SRCIN1: variants seen among roughly 807,000 people sequenced by gnomAD.
The protein encoded by SRCIN1 is SRC kinase signaling inhibitor 1.
In SRCIN1, 50 loss-of-function variants were observed where a neutral mutation model predicts 116.2. The observed-to-expected ratio is 0.43, with a 90% confidence interval of 0.34 to 0.54. The LOEUF (loss-of-function observed/expected upper bound fraction) is 0.54, where lower values mean the gene tolerates loss of function less well. Among genes scored for constraint, SRCIN1 ranks in the 20% least tolerant of loss-of-function variants. The probability of loss-of-function intolerance (pLI) is 0.02; values close to 1 mark genes in which losing one functional copy is unlikely to be tolerated. For synonymous variants in SRCIN1, 736 were observed against 750.0 expected, an observed-to-expected ratio of 0.98 and a Z score of 0.30; for missense variants, 1,446 against 1,672.0, an observed-to-expected ratio of 0.86 and a Z score of 2.36.
intron 17 of SRCIN1, among the ~76,000 whole-genome samples, chr17:38,546,883 T>A (rs1905107605): frequency 1.3e-5 from 2 of 150,848 alleles, no homozygotes; most frequent in East Asian, 4.0e-4. Context: ...AGGGAGTGTG[T>A]GCACACGGGA....
rs529513144 is a variant in SRCIN1, at chr17:38,555,084, C to T, written c.2202-2229G>A. ...TTACGCACTTACTGTATGCCAGGTG[C>T]CACACTCAGGCCTTGGCTTTCATTA... On this transcript the variant is annotated intron_variant, in intron 11 of 18. Coordinates refer to ENST00000617146, the MANE Select transcript of SRCIN1 (RefSeq NM_025248.3). Among the ~76,000 whole-genome samples, 7 of 152,324 alleles carry T rather than the reference C, an allele frequency of 4.6e-5. No homozygotes were observed. In the South Asian group the frequency reaches 1.4e-3, roughly 32 times the overall value.
intron 1 of SRCIN1, among the ~76,000 whole-genome samples, chr17:38,586,745 C>A (rs1193402557): frequency 6.6e-6 from 1 of 152,216 alleles, no homozygotes; most frequent in Non-Finnish European, 1.5e-5. Context: ...CAGGGCACTG[C>A]CAGTCACAGC....
At chr17:38,591,508 G>C (rs909985483) in intron 1 of SRCIN1, among the ~76,000 whole-genome samples, 6 of 152,234 alleles carry the variant, frequency 3.9e-5, no homozygotes, top group African/African-American at 1.4e-4. Flanking sequence ...GGTATGAGCA[G>C]CACAGGTGAC....
chr17:38,543,023 A>G (rs1428872673), intron 18 of SRCIN1: 1 of 453,720 alleles, frequency 2.2e-6, no homozygotes, highest in African/African-American at 2.0e-5. Context: ...GGTCTCTCAC[A>G]ACATCTGGGT....
intron 2 of SRCIN1, 33 bp downstream of exon 2, chr17:38,578,457 C>CGCAGCA: frequency 6.5e-7 from 1 of 1,537,060 alleles, no homozygotes; most frequent in South Asian, 1.2e-5. Context: ...TGGCCGCGGC[C>CGCAGCA]GCAGCCGCAG....
intron 18 of SRCIN1, chr17:38,542,089 G>C (rs529172378): frequency 6.6e-6 from 1 of 151,968 alleles, no homozygotes; most frequent in Admixed American, 6.6e-5. Flanking sequence ...GCAGAGCAGT[G>C]GGGGAGGGGG....
chr17:38,562,913 G>C lies in SRCIN1; in HGVS notation c.748C>G (p.Gln250Glu). The C allele has an allele frequency of 6.2e-7, 1 of 1,613,486 alleles. No individual in the cohort carries two copies. Among genetic ancestry groups the C allele is most frequent in the South Asian group, 1.1e-5 (1 of 90,934 alleles). The change falls in exon 6 of 19, where the codon CAG becomes GAG. Residue 250 changes from glutamine to glutamate, a missense_variant. Transcript: ENST00000617146. This position sits in a 1 kb window ranked among gnomAD's most constrained non-coding sequence, Gnocchi z 4.2. ...FYELEDVRDIQDRSIIKIYRK... is the reference protein window; with the variant it reads ...FYELEDVRDIEDRSIIKIYRK... ...TAGATCTTGATAATACTGCGGTCCT[G>C]GATGTCCCTGGGAGAGGCGGGGAGA...
At chr17:38,586,145 CT>C (rs1908100696) in intron 1 of SRCIN1, among the ~76,000 whole-genome samples, 1 of 152,182 alleles carries the variant, frequency 6.6e-6, no homozygotes, top group Non-Finnish European at 1.5e-5. Flanking sequence ...ATAAAGACTC[CT>C]GGTGACTAGG....
In SRCIN1 at chr17:38,544,052, G is replaced by C; in HGVS notation, c.3271-83C>G. 1 of 1,461,924 alleles carries C rather than the reference G, an allele frequency of 6.8e-7. No homozygotes were observed. Among genetic ancestry groups the C allele is most frequent in the East Asian group, 2.5e-5 (1 of 39,802 alleles). 90.6% of individuals were successfully genotyped at this position (1,461,924 alleles called of 1,614,324 possible). Reference sequence around the variant, plus strand: ...GAACCCTAGCACTGGGTGGGGTCTCGGGGCTGGGACCTCCTCAGTGGGGCC... The same window carrying C: ...GAACCCTAGCACTGGGTGGGGTCTCCGGGCTGGGACCTCCTCAGTGGGGCC... On this transcript the variant is annotated intron_variant, in intron 17 of 18. Coordinates refer to ENST00000617146, the MANE Select transcript of SRCIN1 (RefSeq NM_025248.3). This position sits in a 1 kb window ranked among gnomAD's most constrained non-coding sequence, Gnocchi z 4.5.
In SRCIN1 at chr17:38,585,660, G is replaced by C. The variant is rs192341101; in HGVS notation, c.23-6869C>G. Among the ~76,000 whole-genome samples, 1 of 152,288 alleles carries C rather than the reference G, an allele frequency of 6.6e-6. No individual in the cohort carries two copies. Among genetic ancestry groups the C allele is most frequent in the East Asian group, 1.9e-4 (1 of 5,182 alleles). On this transcript the variant is annotated intron_variant, in intron 1 of 18. Transcript: ENST00000617146. This position sits in a 1 kb window ranked among gnomAD's most constrained non-coding sequence, Gnocchi z 4.2. ...GGGTCCTTGGATCAGAAGCCCATCT[G>C]TGTCTGTTTTCTAAAACCATCTTTT...
At chr17:38,580,116 G>A (rs945198314) in intron 1 of SRCIN1, among the ~76,000 whole-genome samples, 2 of 152,134 alleles carry the variant, frequency 1.3e-5, no homozygotes, top group Non-Finnish European at 2.9e-5. Flanking sequence ...CAGGGGACGC[G>A]GCTGGAAACG....
At chr17:38,550,772 G>A (rs1335672430) in intron 15 of SRCIN1, among the ~76,000 whole-genome samples, 1 of 152,210 alleles carries the variant, frequency 6.6e-6, no homozygotes, top group Non-Finnish European at 1.5e-5. Flanking sequence ...CCACTCCCGG[G>A]ACCGTGACTC....
chr17:38,563,821 G>A lies in SRCIN1; in HGVS notation c.541+297C>T. 1 of 632,802 alleles carries A rather than the reference G, an allele frequency of 1.6e-6. No homozygotes were observed. Among genetic ancestry groups the A allele is most frequent in the Non-Finnish European group, 2.8e-6 (1 of 356,904 alleles). The allele number at this position is 632,802 out of a possible 1,614,324, so 39.2% of individuals were successfully genotyped here. A position where few individuals can be genotyped will look rare whatever the true frequency, so the allele number is the denominator to read the frequency against. Reference sequence around the variant, plus strand: ...AACTGAGGGGAAGTGAGCTGAGGGAGAGAGAGGTTGGAGAGAGTTAGAGAA... The same window carrying A: ...AACTGAGGGGAAGTGAGCTGAGGGAAAGAGAGGTTGGAGAGAGTTAGAGAA... On this transcript the variant is annotated intron_variant, in intron 4 of 18. Coordinates refer to ENST00000617146, the MANE Select transcript of SRCIN1 (RefSeq NM_025248.3). This position sits in a 1 kb window ranked among gnomAD's most constrained non-coding sequence, Gnocchi z 5.8.
chr17:38,540,168 C>T (rs1299193528), intron 18 of SRCIN1, among the ~76,000 whole-genome samples: 1 of 152,142 alleles, frequency 6.6e-6, no homozygotes, highest in Non-Finnish European at 1.5e-5. Flanking sequence ...CGCCTGGGAA[C>T]CTGGCTCCCG....
At chr17:38,574,849 G>T (rs969079683) in intron 2 of SRCIN1, 2 of 400,900 alleles carry the variant, frequency 5.0e-6, no homozygotes, top group Non-Finnish European at 8.8e-6. Flanking sequence ...ATGGGCTTGG[G>T]GGGTGGGGTG....
chr17:38,595,376 C>A (rs556187505), intron 1 of SRCIN1, among the ~76,000 whole-genome samples: 82 of 152,264 alleles, frequency 5.4e-4, no homozygotes, highest in South Asian at 3.9e-3. Context: ...CGCCACCACA[C>A]CCAGCTAATT....
chr17:38,595,022 C>T (rs1185525653), intron 1 of SRCIN1, among the ~76,000 whole-genome samples: 1 of 152,122 alleles, frequency 6.6e-6, no homozygotes, highest in Non-Finnish European at 1.5e-5. Flanking sequence ...CATAAAGTTA[C>T]AAAACAGCTT....
Position 38,574,748 on chromosome 17 carries a change from C to T in SRCIN1, c.324+3742G>A, listed in dbSNP as rs72823874. The T allele has an allele frequency of 1.0e-5, 4 of 398,098 alleles. No individual in the cohort carries two copies. The South Asian group carries it at 5.6e-4, about 56-fold the overall frequency. The allele number at this position is 398,098 out of a possible 1,614,324, so 24.7% of individuals were successfully genotyped here. A position where few individuals can be genotyped will look rare whatever the true frequency, so the allele number is the denominator to read the frequency against. On this transcript the variant is annotated intron_variant, in intron 2 of 18. Transcript: ENST00000617146. ...CACAGAAGTCTCCTGAAAATAGGGG[C>T]TCCTACACCAAAGAGAAAAGGTTGC... is the stretch of plus-strand genomic sequence containing the variant.
rs762570085 is a variant in SRCIN1 at position 38,561,603 on chromosome 17, G to A, written c.1560C>T (p.Ala520=). 5.0e-6 allele frequency: 8 copies of A among 1,593,186 alleles called. No homozygotes were observed. The highest frequency in any genetic ancestry group is 6.0e-6 in the Non-Finnish European group (7 of 1,170,278). ...RKDSGSSSVF[A]ESPGGKTRSA... ...TGCGGGTCTTCCCTCCAGGACTCTC[G>A]GCAAAGACGGACGAGGAGCCCGAGT... The change falls in exon 7 of 19, where the codon GCC becomes GCT. Residue 520 remains alanine, a synonymous_variant. Coordinates refer to ENST00000617146, the MANE Select transcript of SRCIN1 (RefSeq NM_025248.3).
Sources: allele counts gnomAD v4.1 joint callset (sites outside exome capture counted in the v4.1 genomes callset), GRCh38; gene constraint gnomAD v4.1.1; non-coding constraint Gnocchi (gnomAD v3.1); transcripts MANE v1.5; gene names NCBI Gene and HGNC (gene_info 2026-07-23, HGNC 2026-07-21).